The following C7orf78 variants were observed in gnomAD, a reference collection of about 807,000 sequenced individuals.
C7orf78 encodes the protein putative uncharacterized protein C7orf78.
chr7:12,509,977 T>C, the C7orf78 span, among the ~76,000 whole-genome samples: 1 of 147,114 alleles, frequency 6.8e-6, no homozygotes, highest in South Asian at 2.1e-4. Context: ...GAGGTTGCAG[T>C]GAGCTGAGAC....
chr7:12,537,403 T>C, the C7orf78 span, among the ~76,000 whole-genome samples: 3 of 152,162 alleles, frequency 2.0e-5, no homozygotes, highest in African/African-American at 7.2e-5. Flanking sequence ...GATTCTCCCA[T>C]GGCACATGGG....
At chr7:12,520,203 C>A in the C7orf78 span, among the ~76,000 whole-genome samples, 3 of 152,186 alleles carry the variant, frequency 2.0e-5, no homozygotes, top group Non-Finnish European at 4.4e-5. Flanking sequence ...AGATATTTCT[C>A]TTTTGGACTC....
the C7orf78 span, among the ~76,000 whole-genome samples, chr7:12,501,841 G>A: frequency 0.016 from 1,453 of 91,672 alleles, 39 homozygotes; most frequent in African/African-American, 0.061. Context: ...ATACTACAAG[G>A]CTACAGTAAC....
the C7orf78 span, chr7:12,541,399 T>C: frequency 1.3e-5 from 2 of 152,178 alleles, no homozygotes; most frequent in East Asian, 1.9e-4. Context: ...ATGACTGTTA[T>C]GCTGTGTGGG....
chr7:12,526,355 A>G, the C7orf78 span, among the ~76,000 whole-genome samples: 1 of 152,168 alleles, frequency 6.6e-6, no homozygotes, highest in Non-Finnish European at 1.5e-5. Context: ...TGGAAATAAC[A>G]TACACACATG....
the C7orf78 span, among the ~76,000 whole-genome samples, chr7:12,511,909 A>G: frequency 1.6e-4 from 17 of 105,610 alleles, 1 homozygote; most frequent in Admixed American, 3.1e-4. Context: ...CCACCACCAC[A>G]CCTGGCTAAT....
At chr7:12,495,002 T>G in the C7orf78 span, among the ~76,000 whole-genome samples, 1 of 152,194 alleles carries the variant, frequency 6.6e-6, no homozygotes, top group Non-Finnish European at 1.5e-5. Flanking sequence ...GATAACCTGT[T>G]AGTCAGTCTG....
the C7orf78 span, among the ~76,000 whole-genome samples, chr7:12,489,945 G>A: frequency 5.3e-5 from 8 of 152,252 alleles, no homozygotes; most frequent in Admixed American, 2.0e-4. Flanking sequence ...TAAAAGCCAT[G>A]ATTGGTGTAA....
the C7orf78 span, among the ~76,000 whole-genome samples, chr7:12,492,324 T>C: frequency 6.6e-6 from 1 of 152,226 alleles, no homozygotes; most frequent in South Asian, 2.1e-4. Flanking sequence ...ACCCAAGTCA[T>C]TGGGAAGCAC....
chr7:12,535,433 A>C, the C7orf78 span, among the ~76,000 whole-genome samples: 1 of 152,176 alleles, frequency 6.6e-6, no homozygotes, highest in African/African-American at 2.4e-5. Flanking sequence ...AGCATGGGAA[A>C]GAACTGTCCC....
At chr7:12,504,247 CTTG>C in the C7orf78 span, among the ~76,000 whole-genome samples, 6 of 152,188 alleles carry the variant, frequency 3.9e-5, no homozygotes, top group Admixed American at 1.3e-4. Context: ...GAGTATTGAG[CTTG>C]TTGTTGTGCT....
chr7:12,503,139 C>T, the C7orf78 span, among the ~76,000 whole-genome samples: 1,752 of 136,054 alleles, frequency 0.013, 133 homozygotes, highest in African/African-American at 0.049. Context: ...TGCTAGATGA[C>T]GAGTTAGTGG....
chr7:12,510,592 A>G, the C7orf78 span, among the ~76,000 whole-genome samples: 1 of 152,058 alleles, frequency 6.6e-6, no homozygotes. Flanking sequence ...TTTGTCCTGG[A>G]TAATAGCCAT....
the C7orf78 span, among the ~76,000 whole-genome samples, chr7:12,532,625 T>C: frequency 7.2e-5 from 11 of 152,034 alleles, no homozygotes; most frequent in African/African-American, 2.7e-4. Flanking sequence ...TTTTCTTAAC[T>C]CCTGTACCAC....
the C7orf78 span, among the ~76,000 whole-genome samples, chr7:12,539,835 T>C: frequency 1.3e-5 from 2 of 152,184 alleles, no homozygotes; most frequent in African/African-American, 2.4e-5. Flanking sequence ...AAACAGGAAC[T>C]AGGGAGAGGC....
chr7:12,532,038 C>T, the C7orf78 span, among the ~76,000 whole-genome samples: 1 of 152,146 alleles, frequency 6.6e-6, no homozygotes, highest in Non-Finnish European at 1.5e-5. Flanking sequence ...ATGGACTCTC[C>T]ACTGACCAGT....
chr7:12,490,940 T>C, the C7orf78 span, among the ~76,000 whole-genome samples: 397 of 151,850 alleles, frequency 2.6e-3, 3 homozygotes, highest in African/African-American at 9.0e-3. Context: ...TTTTCTTCCT[T>C]AGAGGAAAAG....
chr7:12,531,440 T>C, the C7orf78 span, among the ~76,000 whole-genome samples: 15 of 152,176 alleles, frequency 9.9e-5, no homozygotes, highest in African/African-American at 3.6e-4. Flanking sequence ...GTGAAATGAA[T>C]TCAAATTAAG....
chr7:12,489,714 C>G, the C7orf78 span, among the ~76,000 whole-genome samples: 4 of 151,834 alleles, frequency 2.6e-5, no homozygotes, highest in Non-Finnish European at 5.9e-5. Context: ...GAAGAAAAGC[C>G]AAGACAAAAA....
Sources: allele counts gnomAD v4.1 joint callset (sites outside exome capture counted in the v4.1 genomes callset), GRCh38; gene constraint gnomAD v4.1.1; transcripts MANE v1.5; gene names NCBI Gene and HGNC (gene_info 2026-07-23, HGNC 2026-07-21).